Variants in KIAA0232 observed in about 807,000 individuals in gnomAD.
KIAA0232 encodes the protein uncharacterized protein KIAA0232.
Under a neutral mutation model 122.0 loss-of-function variants are expected in KIAA0232, and 27 were observed. The observed-to-expected ratio is 0.22, with a 90% CI of 0.16 to 0.31. KIAA0232 has a LOEUF of 0.31. Ranked by LOEUF, KIAA0232 falls within the 10% of genes least tolerant of loss-of-function variation. The pLI, the probability that KIAA0232 is intolerant of heterozygous loss-of-function variation, is 1.00. For synonymous variants in KIAA0232, 613 were observed against 587.6 expected (o/e 1.04, Z -0.63); for missense variants, 1,551 against 1,634.2 (o/e 0.95, Z 0.88).
At chr4:6,854,559 C>T (rs757188147) in intron 4 of KIAA0232, among the ~76,000 whole-genome samples, 15 of 152,318 alleles carry the variant, frequency 9.8e-5, no homozygotes, top group East Asian at 1.9e-4. Flanking sequence ...GCTCACTGAG[C>T]GTGTCCTGAA....
At chr4:6,811,237 G>T (rs1320606353) in intron 2 of KIAA0232, among the ~76,000 whole-genome samples, 1 of 152,086 alleles carries the variant, frequency 6.6e-6, no homozygotes, top group East Asian at 1.9e-4. Context: ...AATGGATAAA[G>T]AAAATGTGGT....
At chr4:6,867,682 A>C (rs990362001) in intron 7 of KIAA0232, among the ~76,000 whole-genome samples, 1 of 152,154 alleles carries the variant, frequency 6.6e-6, no homozygotes, top group African/African-American at 2.4e-5. Context: ...CTGATGAGTA[A>C]AGAAGGAGTG....
At chr4:6,841,969 T>C (rs1347699991) in intron 3 of KIAA0232, 98 bp from the exon 4 acceptor site, 11 of 1,374,116 alleles carry the variant, frequency 8.0e-6, no homozygotes, top group Non-Finnish European at 1.1e-5. Context: ...CGTATGGAAA[T>C]GCAAGGGGCC....
At position 6,842,050 on chromosome 4, in the gene KIAA0232, G is replaced by A; in HGVS notation, c.232-17G>A. The A allele has an allele frequency of 3.1e-6, 5 of 1,613,050 alleles. No individual in the cohort carries two copies. The highest frequency in any genetic ancestry group is 3.3e-4 in the Middle Eastern group (2 of 6,060). ...AAGTTAGCCCTGGTCATTTAACCTG[G>A]TGCAATTTCATTGCAGGAGAATGAC... is the stretch of plus-strand genomic sequence containing the variant. On this transcript the variant is annotated splice_polypyrimidine_tract_variant and intron_variant, in intron 3 of 9. Coordinates refer to ENST00000307659, the MANE Select transcript of KIAA0232 (RefSeq NM_014743.3).
chr4:6,790,449 C>T (rs1003922299), intron 1 of KIAA0232, among the ~76,000 whole-genome samples: 2 of 136,376 alleles, frequency 1.5e-5, no homozygotes, highest in African/African-American at 2.8e-5. Context: ...GGCTGGAGTG[C>T]GGTGGCACGA....
chr4:6,857,348 C>T, intron 5 of KIAA0232, 118 bp downstream of exon 5: 1 of 787,466 alleles, frequency 1.3e-6, no homozygotes, highest in Non-Finnish European at 1.9e-6. Context: ...TCTTTGTGTC[C>T]AGTGTGTGTC....
chr4:6,793,844 G>C (rs192591192), intron 1 of KIAA0232, among the ~76,000 whole-genome samples: 1 of 152,280 alleles, frequency 6.6e-6, no homozygotes, highest in African/African-American at 2.4e-5. Context: ...TTACAAATGA[G>C]GAAGCTACAA....
chr4:6,844,123 G>A (rs1333290239), intron 4 of KIAA0232, among the ~76,000 whole-genome samples: 1 of 151,190 alleles, frequency 6.6e-6, no homozygotes, highest in Non-Finnish European at 1.5e-5. Context: ...GTATTTTTTA[G>A]TAGTGATGGG....
At position 6,861,959 on chromosome 4, in the gene KIAA0232, C is replaced by T; in HGVS notation, c.1577C>T (p.Thr526Ile). Residue 526 changes from threonine (T) to isoleucine (I), a missense_variant, in exon 7 of 10, where the codon ACA becomes ATA. Physicochemically the swap from Thr to Ile is moderately conservative, Grantham distance 89. Coordinates refer to ENST00000307659, the MANE Select transcript of KIAA0232 (RefSeq NM_014743.3). ...ATGTTGGATCCTGGTGCCTCAGAAACAATGCAAGGAGAAAGTCGGATTTTG... is the reference window on the plus strand; with the variant it reads ...ATGTTGGATCCTGGTGCCTCAGAAATAATGCAAGGAGAAAGTCGGATTTTG... The part of the protein sequence containing the change: ...QSMLDPGASE[T>I]MQGESRILNM... The T allele has an allele frequency of 6.2e-7, 1 of 1,614,006 alleles. No individual in the cohort carries two copies. The highest frequency in any genetic ancestry group is 8.5e-7 in the Non-Finnish European group (1 of 1,179,968).
intron 1 of KIAA0232, among the ~76,000 whole-genome samples, chr4:6,787,909 A>G (rs1269460536): frequency 1.3e-5 from 2 of 152,174 alleles, no homozygotes; most frequent in Non-Finnish European, 2.9e-5. Flanking sequence ...CAAGATTTTT[A>G]CCTTGGAAGT....
At chr4:6,827,220 T>G (rs762568000) in intron 3 of KIAA0232, among the ~76,000 whole-genome samples, 4 of 152,244 alleles carry the variant, frequency 2.6e-5, no homozygotes, top group Non-Finnish European at 4.4e-5. Flanking sequence ...CTTTATCCCC[T>G]GCATTGCTTT....
chr4:6,879,328 A>C (rs536248603), intron 9 of KIAA0232, among the ~76,000 whole-genome samples: 2 of 152,302 alleles, frequency 1.3e-5, no homozygotes, highest in South Asian at 4.1e-4. Flanking sequence ...CGTGTATCCG[A>C]GGCCAGAGAG....
chr4:6,811,747 ATTTTT>A (rs10709832), intron 2 of KIAA0232, among the ~76,000 whole-genome samples: 9 of 103,894 alleles, frequency 8.7e-5, no homozygotes, highest in African/African-American at 2.6e-4. Context: ...GCCTGGCCTA[ATTTTT>A]TTTTTTTTTT....
At position 6,842,204 on chromosome 4, in the gene KIAA0232, A is replaced by G. The variant is rs188475539; in HGVS notation, c.369A>G (p.Glu123=). ...AGTGTCTTCGATCTGCTTCTGATGAAGTAAGTTTACATTTTGTTTCTAACA... is the reference window on the plus strand; with the variant it reads ...AGTGTCTTCGATCTGCTTCTGATGAGGTAAGTTTACATTTTGTTTCTAACA... ...AVQCLRSASD[E]SSGIETLVEE... Residue 123 remains glutamate (E), a splice_region_variant and synonymous_variant, in exon 4 of 10, where the codon GAA becomes GAG. Coordinates refer to ENST00000307659, the MANE Select transcript of KIAA0232 (RefSeq NM_014743.3). The G allele has an allele frequency of 1.8e-4, 287 of 1,594,150 alleles. No homozygotes were observed. In the African/African-American group the frequency reaches 3.4e-3, roughly 19 times the overall value.
intron 1 of KIAA0232, among the ~76,000 whole-genome samples, chr4:6,800,675 C>T (rs372259599): frequency 1.3e-5 from 2 of 149,806 alleles, no homozygotes; most frequent in East Asian, 2.0e-4. Flanking sequence ...AGGGAAACTC[C>T]GTCTCAAAAA....
At chr4:6,814,395 G>T (rs769756167) in intron 2 of KIAA0232, among the ~76,000 whole-genome samples, 2 of 151,266 alleles carry the variant, frequency 1.3e-5, no homozygotes, top group Admixed American at 6.6e-5. Context: ...TTTTTTTAAG[G>T]ATAGTAAAGA....
intron 2 of KIAA0232, among the ~76,000 whole-genome samples, chr4:6,819,801 G>A (rs191914459): frequency 2.0e-5 from 3 of 152,252 alleles, no homozygotes; most frequent in African/African-American, 7.2e-5. Context: ...GTACTCATAT[G>A]TTCATCACGG....
intron 7 of KIAA0232, among the ~76,000 whole-genome samples, chr4:6,866,582 T>C (rs1721193655): frequency 6.6e-6 from 1 of 152,200 alleles, no homozygotes; most frequent in African/African-American, 2.4e-5. Flanking sequence ...CCGGCCCTTT[T>C]CCTGAGTCAG....
At position 6,880,794 on chromosome 4, in the gene KIAA0232, C is replaced by T; in HGVS notation, c.4016C>T (p.Ser1339Phe). Residue 1339 changes from serine to phenylalanine, a missense_variant, in exon 10 of 10, where the codon TCT becomes TTT. By Grantham distance (155) the Ser-to-Phe change is radical (BLOSUM62 -2). Transcript: ENST00000307659. ...AAATTGTTTTAATCTTAGGTGTCTT[C>T]TGTTTATGAAGCAAGATGTACAGGA... ...ERLLDFNRVS[S>F]VYEARCTGER... The T allele has an allele frequency of 6.5e-7, 1 of 1,537,412 alleles. No homozygotes were observed. Among genetic ancestry groups the T allele is most frequent in the South Asian group, 1.3e-5 (1 of 78,780 alleles).
Sources: gnomAD v4.1 joint callset for allele counts (sites outside exome capture counted in the v4.1 genomes callset) on GRCh38, gnomAD v4.1.1 for gene constraint, MANE v1.5 for transcripts, NCBI Gene and HGNC (gene_info 2026-07-23, HGNC 2026-07-21) for gene names.